MYRFL: variants seen among roughly 807,000 people sequenced by gnomAD.
The protein encoded by MYRFL is myelin regulatory factor-like protein.
Under a neutral mutation model 109.4 loss-of-function variants are expected in MYRFL, and 88 were observed. The observed-to-expected ratio is 0.80, with a 90% CI of 0.68 to 0.96. MYRFL has a LOEUF of 0.96. MYRFL is among the 40% of genes least tolerant of loss of function. The probability of loss-of-function intolerance (pLI) is 0.00; values close to 1 mark genes in which losing one functional copy is unlikely to be tolerated. For synonymous variants in MYRFL, 324 were observed against 320.9 expected (o/e 1.01, Z -0.10); for missense variants, 957 against 954.9 (o/e 1.00, Z -0.03).
At chr12:69,919,759 T>C (rs149158825) in intron 13 of MYRFL, among the ~76,000 whole-genome samples, 16 of 152,328 alleles carry the variant, frequency 1.1e-4, no homozygotes, top group African/African-American at 3.8e-4. Flanking sequence ...ATTTTTACAA[T>C]GCTCGATTAC....
At chr12:69,830,889 C>T (rs774415079) in intron 1 of MYRFL, among the ~76,000 whole-genome samples, 8 of 152,066 alleles carry the variant, frequency 5.3e-5, no homozygotes, top group Non-Finnish European at 1.2e-4. Context: ...GTGGAGGACT[C>T]CCCACCTTCT....
At chr12:69,848,938 C>G (rs1883720360) in intron 1 of MYRFL, among the ~76,000 whole-genome samples, 1 of 152,186 alleles carries the variant, frequency 6.6e-6, no homozygotes, top group South Asian at 2.1e-4. Flanking sequence ...GTGCTGTGAT[C>G]TCGGCTCACT....
intron 1 of MYRFL, among the ~76,000 whole-genome samples, chr12:69,851,282 C>T (rs1446176280): frequency 1.3e-5 from 2 of 152,182 alleles, no homozygotes; most frequent in African/African-American, 4.8e-5. Context: ...TACTTTAAAT[C>T]TCAGCATCAT....
intron 1 of MYRFL, among the ~76,000 whole-genome samples, chr12:69,840,561 G>A (rs1264930775): frequency 6.6e-6 from 1 of 152,176 alleles, no homozygotes; most frequent in Non-Finnish European, 1.5e-5. Flanking sequence ...CCTTAGTGCT[G>A]CTCACTGTTG....
Position 69,891,682 on chromosome 12 carries a change from T to G in MYRFL, c.903+516T>G, listed in dbSNP as rs12297862. 9.9e-3 allele frequency among the ~76,000 whole-genome samples: 1,005 copies of G among 101,414 alleles called. 33 individuals are homozygous for G. The highest frequency in any genetic ancestry group is 0.022 in the African/African-American group (503 of 22,940). The allele number at this position is 101,414 out of a possible 152,430, so 66.5% of individuals were successfully genotyped here. On this transcript the variant is annotated intron_variant, in intron 7 of 24. Coordinates refer to ENST00000552032, the MANE Select transcript of MYRFL (RefSeq NM_182530.3). ...CTTTCTTTCTTTCTTTCTTTCTTTC[T>G]TTCGTTCGTTCGTTCTTTCTTTCTT...
chr12:69,839,010 ATTC>A (rs1883100217), intron 1 of MYRFL, among the ~76,000 whole-genome samples: 2 of 152,340 alleles, frequency 1.3e-5, no homozygotes, highest in Admixed American at 1.3e-4. Context: ...GCAGTCATTT[ATTC>A]TTTACCCTGA....
At chr12:69,856,419 T>G (rs997540003) in intron 2 of MYRFL, among the ~76,000 whole-genome samples, 1 of 152,116 alleles carries the variant, frequency 6.6e-6, no homozygotes, top group Non-Finnish European at 1.5e-5. Context: ...TGATAAATAC[T>G]TAGGATAAGA....
intron 2 of MYRFL, among the ~76,000 whole-genome samples, chr12:69,868,908 GCA>G (rs546998712): frequency 1.9e-3 from 288 of 151,300 alleles, no homozygotes; most frequent in Non-Finnish European, 3.4e-3. Context: ...ACGCACACGC[GCA>G]CACACACATG....
At chr12:69,880,386 G>T (rs771903633) in intron 5 of MYRFL, 94 bp downstream of exon 5, 3 of 619,604 alleles carry the variant, frequency 4.8e-6, no homozygotes, top group Non-Finnish European at 8.7e-6. Flanking sequence ...CCCTGCAAAA[G>T]TTTCCCTCTC....
At chr12:69,945,515 C>T (rs1955804705) in intron 19 of MYRFL, among the ~76,000 whole-genome samples, 2 of 152,104 alleles carry the variant, frequency 1.3e-5, no homozygotes, top group African/African-American at 2.4e-5. Context: ...GTGTAGTAGG[C>T]TATACAATCT....
chr12:69,861,966 T>G (rs11520171), intron 2 of MYRFL, among the ~76,000 whole-genome samples: 58,446 of 147,008 alleles, frequency 0.4, 11,864 homozygotes, highest in East Asian at 0.58. Context: ...TTTCTACATA[T>G]GGCTAGCCAG....
At chr12:69,872,119 T>C (rs981956308) in intron 2 of MYRFL, among the ~76,000 whole-genome samples, 3 of 150,254 alleles carry the variant, frequency 2.0e-5, no homozygotes, top group African/African-American at 7.3e-5. Context: ...AAAAAATGAC[T>C]CTTTTATTAT....
At chr12:69,958,079 C>T (rs1483071443) in intron 23 of MYRFL, 137 bp downstream of exon 23, 5 of 1,279,130 alleles carry the variant, frequency 3.9e-6, no homozygotes, top group Non-Finnish European at 5.2e-6. Context: ...AAGTTGCCTT[C>T]TAAGGCAACT....
rs140726950 is a variant in MYRFL, at chr12:69,831,867, G to A, written c.46+6304G>A. Among the ~76,000 whole-genome samples the A allele has an allele frequency of 5.9e-3, 891 of 152,238 alleles. 7 individuals are homozygous for A. The highest frequency in any genetic ancestry group is 0.02 in the African/African-American group (845 of 41,528). On this transcript the variant is annotated intron_variant, in intron 1 of 24. Coordinates refer to ENST00000552032, the MANE Select transcript of MYRFL (RefSeq NM_182530.3). Reference sequence around the variant, plus strand: ...CAGTTGTCAAAGTCAAAATAAAAATGTAGAGATGAATCTCTAAATTTAATG... The same window carrying A: ...CAGTTGTCAAAGTCAAAATAAAAATATAGAGATGAATCTCTAAATTTAATG...
At chr12:69,857,337 A>C (rs1396925453) in intron 2 of MYRFL, among the ~76,000 whole-genome samples, 2 of 151,814 alleles carry the variant, frequency 1.3e-5, no homozygotes, top group Non-Finnish European at 3.0e-5. Flanking sequence ...AAGTCCTCTG[A>C]ATTTTTCTTC....
At position 69,936,624 on chromosome 12, in the gene MYRFL, G is replaced by T. The variant is rs184470223; in HGVS notation, c.2216G>T (p.Arg739Leu). ...GAGGAGAAGGAATTCCATCAGAGGC[G>T]ATGGTCAGGTAAATGATGTTCAAAG... ...QSEEKEFHQR[R>L]WSEDKSKSVL... Residue 739 changes from arginine (R) to leucine (L), a missense_variant, in exon 19 of 25, where the codon CGA becomes CTA. Physicochemically the swap from Arg to Leu is moderately radical, Grantham distance 102 (BLOSUM62 -2). Coordinates refer to ENST00000552032, the MANE Select transcript of MYRFL (RefSeq NM_182530.3). 21 of 1,524,536 alleles carry T rather than the reference G, an allele frequency of 1.4e-5. 2 individuals carry two copies. In the South Asian group the frequency reaches 2.5e-4, roughly 18 times the overall value. The allele number at this position is 1,524,536 out of a possible 1,614,324, so 94.4% of individuals were successfully genotyped here.
Position 69,936,088 on chromosome 12 carries a change from T to TTG in MYRFL, c.1917-24_1917-23insGT, listed in dbSNP as rs1555258296. On this transcript the variant is annotated intron_variant, in intron 16 of 24. Coordinates refer to ENST00000552032, the MANE Select transcript of MYRFL (RefSeq NM_182530.3). Reference sequence around the variant, plus strand: ...AATCTGCCACATAATGTTTTTTTTTTTTTTTTTTTTTTTTTTTTTGACAGT... The same window carrying TTG: ...AATCTGCCACATAATGTTTTTTTTTTTGTTTTTTTTTTTTTTTTTTTGACAGT... 3.0e-5 allele frequency: 40 copies of TTG among 1,350,580 alleles called. No individual in the cohort carries two copies. In the African/African-American group the frequency reaches 4.7e-4, roughly 16 times the overall value. 83.7% of individuals were successfully genotyped at this position (1,350,580 alleles called of 1,614,324 possible).
rs71098067 is a variant in MYRFL, at chr12:69,936,078, G to GTTTTTTTTTTTTTT, written c.1917-19_1917-6dup. ...TCTGGAAACAAATCTGCCACATAATGTTTTTTTTTTTTTTTTTTTTTTTTT... is the reference window on the plus strand; with the variant it reads ...TCTGGAAACAAATCTGCCACATAATGTTTTTTTTTTTTTTTTTTTTTTTTTTTTTTTTTTTTTTT... On this transcript the variant is annotated intron_variant, in intron 16 of 24. Transcript: ENST00000552032. The GTTTTTTTTTTTTTT allele has an allele frequency of 2.3e-5, 21 of 893,956 alleles. 2 individuals carry two copies. Among genetic ancestry groups the GTTTTTTTTTTTTTT allele is most frequent in the South Asian group, 1.1e-4 (6 of 55,458 alleles). The allele number at this position is 893,956 out of a possible 1,614,324, so 55.4% of individuals were successfully genotyped here.
At chr12:69,856,532 T>C (rs1333057100) in intron 2 of MYRFL, among the ~76,000 whole-genome samples, 1 of 152,080 alleles carries the variant, frequency 6.6e-6, no homozygotes, top group Non-Finnish European at 1.5e-5. Flanking sequence ...AGATATCCAA[T>C]TGCTTCTCTT....
Sources: gnomAD v4.1 joint callset for allele counts (sites outside exome capture counted in the v4.1 genomes callset) on GRCh38, gnomAD v4.1.1 for gene constraint, MANE v1.5 for transcripts, NCBI Gene and HGNC (gene_info 2026-07-23, HGNC 2026-07-21) for gene names.